CAMTA2: variants seen among roughly 807,000 people sequenced by gnomAD.
CAMTA2 encodes the protein calmodulin binding transcription activator 2.
In CAMTA2, 56 loss-of-function variants were observed where a neutral mutation model predicts 135.7. The observed-to-expected ratio is 0.41, with a 90% confidence interval of 0.33 to 0.52. The LOEUF is 0.52. CAMTA2 is among the 20% of genes least tolerant of loss of function. The pLI is 0.16. For synonymous variants in CAMTA2, 591 were observed against 604.6 expected (o/e 0.98, Z 0.33); for missense variants, 1,358 against 1,553.4 (o/e 0.87, Z 2.11).
chr17:4,968,234 T>C lies in CAMTA2; in HGVS notation c.*522A>G. The C allele has an allele frequency of 3.9e-6, 1 of 253,600 alleles. No individual in the cohort carries two copies. The highest frequency in any genetic ancestry group is 7.7e-6 in the Non-Finnish European group (1 of 129,250). 15.7% of individuals were successfully genotyped at this position (253,600 alleles called of 1,614,324 possible). On this transcript the variant is annotated 3_prime_UTR_variant, in exon 23 of 23. Transcript: ENST00000348066. The stretch of plus-strand genomic sequence containing the variant: ...GCAACGCGTTCCTATGTACACCACC[T>C]CCCCTTCGGCCCTGAGGTCAGTGGC...
In CAMTA2 at chr17:4,976,963, T is replaced by G. The variant is rs557999398; in HGVS notation, c.1900+95A>C. 1.9e-5 allele frequency: 23 copies of G among 1,212,604 alleles called. No individual in the cohort carries two copies. In the South Asian group the frequency reaches 3.8e-4, roughly 20 times the overall value. 75.1% of individuals were successfully genotyped at this position (1,212,604 alleles called of 1,614,324 possible). ...AAAAAAAAAATGGTAAAGTGGGGGC[T>G]CAGTGATGGCCACCTGAACCCTGAG... On this transcript the variant is annotated intron_variant, in intron 11 of 22. Transcript: ENST00000348066.
intron 11 of CAMTA2, among the ~76,000 whole-genome samples, chr17:4,975,906 TAC>T (rs1225404947): frequency 6.6e-6 from 1 of 152,066 alleles, no homozygotes; most frequent in Admixed American, 6.5e-5. Flanking sequence ...AATAAATAAA[TAC>T]ACACACACAT....
chr17:4,973,858 C>T (rs904158304), intron 12 of CAMTA2, 89 bp from the exon 13 acceptor site: 9 of 1,257,962 alleles, frequency 7.2e-6, no homozygotes, highest in Non-Finnish European at 9.8e-6. Context: ...GTCCTCCCAG[C>T]TTCTAATTTT....
intron 7 of CAMTA2, 81 bp from the exon 8 acceptor site, chr17:4,981,440 A>ACATG (rs1972955371): frequency 1.3e-6 from 2 of 1,561,240 alleles, no homozygotes. Flanking sequence ...CAAGCACCTG[A>ACATG]CATGCTTCAA....
intron 15 of CAMTA2, 115 bp downstream of exon 15, chr17:4,972,654 A>G: frequency 2.1e-6 from 3 of 1,420,906 alleles, no homozygotes; most frequent in South Asian, 1.2e-5. Flanking sequence ...GTTATCTCCC[A>G]TCCCTGCCTC....
chr17:4,985,226 G>A (rs1003785574), intron 3 of CAMTA2, among the ~76,000 whole-genome samples: 1 of 152,194 alleles, frequency 6.6e-6, no homozygotes, highest in Non-Finnish European at 1.5e-5. Flanking sequence ...AAACTATGAG[G>A]TAAATCAGTT....
chr17:4,969,201 C>A lies in CAMTA2; in HGVS notation c.3419G>T (p.Arg1140Leu). 1 of 1,611,774 alleles carries A rather than the reference C, an allele frequency of 6.2e-7. No individual in the cohort carries two copies. Among genetic ancestry groups the A allele is most frequent in the Non-Finnish European group, 8.5e-7 (1 of 1,179,744 alleles). ...LIQQHYRSYR[R>L]RPGPPHRTSA... ...AGTCCGGTGGGGAGGGCCGGGCCTG[C>A]GGCGGTAGGAGCGGTAGTGCTGCTG... Residue 1140 changes from arginine to leucine, a missense_variant, in exon 21 of 23, where the codon CGC (arginine) becomes CTC (leucine). Arg to Leu is a moderately radical substitution (Grantham distance 102). Coordinates refer to ENST00000348066, the MANE Select transcript of CAMTA2 (RefSeq NM_015099.4). This position sits in a 1 kb window ranked among gnomAD's most constrained non-coding sequence, Gnocchi z 5.6.
chr17:4,987,283 G>C (rs1053087789), intron 1 of CAMTA2: 30 of 1,343,376 alleles, frequency 2.2e-5, no homozygotes, highest in Non-Finnish European at 9.5e-7. Context: ...CGAGGTGGGA[G>C]GGTCCCGCCC....
Position 4,968,175 on chromosome 17 carries a change from A to T in CAMTA2, c.*581T>A. ...ATACTCTGTATGTTACAGTATGTAC[A>T]AGACCCCTCCCCTCGGGGGACGGGG... On this transcript the variant is annotated 3_prime_UTR_variant, in exon 23 of 23. Transcript: ENST00000348066. 3.5e-6 allele frequency: 1 copy of T among 287,718 alleles called. No homozygotes were observed. The highest frequency in any genetic ancestry group is 6.7e-6 in the Non-Finnish European group (1 of 150,100). 17.8% of individuals were successfully genotyped at this position (287,718 alleles called of 1,614,324 possible).
chr17:4,985,858 A>AC (rs747239581), intron 3 of CAMTA2, 22 bp downstream of exon 3: 7 of 1,556,432 alleles, frequency 4.5e-6, no homozygotes, highest in Non-Finnish European at 6.2e-6. Flanking sequence ...CTGGGCCCCA[A>AC]CCCCCAGCCT....
chr17:4,981,988 T>C (rs1365747621), intron 6 of CAMTA2, 101 bp downstream of exon 6: 2 of 1,281,504 alleles, frequency 1.6e-6, no homozygotes, highest in African/African-American at 1.5e-5. Flanking sequence ...CAGGCTCCTT[T>C]CCTCACTCAG....
At position 4,970,096 on chromosome 17, in the gene CAMTA2, T is replaced by C; in HGVS notation, c.3006-11A>G. 5.0e-6 allele frequency: 8 copies of C among 1,612,422 alleles called. No individual in the cohort carries two copies. The highest frequency in any genetic ancestry group is 5.9e-6 in the Non-Finnish European group (7 of 1,179,124). On this transcript the variant is annotated splice_polypyrimidine_tract_variant and intron_variant, in intron 17 of 22. Transcript: ENST00000348066. The stretch of plus-strand genomic sequence containing the variant: ...TCAAAGGGCAGTTCGCTGTAGGCGG[T>C]AGGGAAAGAGGGTGTCATGAAGCAT...
intron 11 of CAMTA2, among the ~76,000 whole-genome samples, chr17:4,974,954 T>C (rs905214313): frequency 3.9e-5 from 6 of 152,156 alleles, no homozygotes; most frequent in African/African-American, 1.4e-4. Context: ...GCTCAGGGAC[T>C]GTGATTTGAA....
rs768568237 is a variant in CAMTA2, at chr17:4,986,024, G to GGGCA, written c.32-45_32-42dup. Reference sequence around the variant, plus strand: ...AGGGAGGGTTTAGTGTGCTACCCTGGGGCATCCCTGTGATAGTCCAAGGGG... The same window carrying GGGCA: ...AGGGAGGGTTTAGTGTGCTACCCTGGGGCAGGCATCCCTGTGATAGTCCAAGGGG... On this transcript the variant is annotated intron_variant, in intron 2 of 22. Transcript: ENST00000348066. 2.1e-6 allele frequency: 3 copies of GGGCA among 1,430,902 alleles called. No homozygotes were observed. In the South Asian group the frequency reaches 3.4e-5, roughly 16 times the overall value. The allele number at this position is 1,430,902 out of a possible 1,614,324, so 88.6% of individuals were successfully genotyped here. A position where few individuals can be genotyped will look rare whatever the true frequency, so the allele number is the denominator to read the frequency against.
At chr17:4,977,745 C>T (rs1026977499) in intron 10 of CAMTA2, among the ~76,000 whole-genome samples, 3 of 152,210 alleles carry the variant, frequency 2.0e-5, no homozygotes, top group Non-Finnish European at 4.4e-5. Flanking sequence ...TCGTAGACAG[C>T]AAAGCTGCCA....
At chr17:4,974,626 C>T (rs1336917803) in intron 11 of CAMTA2, 126 bp from the exon 12 acceptor site, 2 of 646,888 alleles carry the variant, frequency 3.1e-6, no homozygotes, top group African/African-American at 3.6e-5. Context: ...TTCCCCAAAA[C>T]AACAGCTCCT....
At chr17:4,973,308 G>A in intron 13 of CAMTA2, 55 bp from the exon 14 acceptor site, 1 of 1,427,648 alleles carries the variant, frequency 7.0e-7, no homozygotes, top group Non-Finnish European at 9.9e-7. Flanking sequence ...AGTGGGCAAA[G>A]CAGGAACATC....
intron 3 of CAMTA2, chr17:4,983,785 T>C (rs573201760): frequency 1.4e-4 from 22 of 152,128 alleles, no homozygotes; most frequent in African/African-American, 5.1e-4. Flanking sequence ...GGTTTCACCA[T>C]GTTGGCCATG....
chr17:4,975,249 G>A (rs1324258881), intron 11 of CAMTA2, among the ~76,000 whole-genome samples: 1 of 152,046 alleles, frequency 6.6e-6, no homozygotes, highest in Non-Finnish European at 1.5e-5. Flanking sequence ...AGGATAGAAG[G>A]GGATGAAGGT....
Sources: gnomAD v4.1 joint callset for allele counts (sites outside exome capture counted in the v4.1 genomes callset) on GRCh38, gnomAD v4.1.1 for gene constraint, Gnocchi (gnomAD v3.1) non-coding constraint, MANE v1.5 for transcripts, NCBI Gene and HGNC (gene_info 2026-07-23, HGNC 2026-07-21) for gene names.